Variants in ABCB5 observed in about 807,000 individuals in gnomAD.
ABCB5 encodes the protein ATP binding cassette subfamily B member 5, also known as ATP-binding cassette sub-family B member 5.
In ABCB5, 155 loss-of-function variants were observed where a neutral mutation model predicts 144.2. The observed-to-expected ratio is 1.08, with a 90% CI of 0.94 to 1.23. The LOEUF is 1.23. Among genes scored for constraint, ABCB5 ranks in the 50% most tolerant of loss-of-function variants. The pLI is 0.00. For synonymous variants in ABCB5, 610 were observed against 528.6 expected (o/e 1.15, Z -2.11); for missense variants, 1,830 against 1,520.8 (o/e 1.20, Z -3.38).
chr7:20,667,265 G>T (rs1785231331), intron 14 of ABCB5: 3 of 983,328 alleles, frequency 3.1e-6, no homozygotes, highest in Non-Finnish European at 3.6e-6. Flanking sequence ...GCAAAGTAAA[G>T]ATGACACAGA....
chr7:20,644,076 G>A (rs193192867), intron 7 of ABCB5, among the ~76,000 whole-genome samples: 17 of 149,660 alleles, frequency 1.1e-4, no homozygotes, highest in Non-Finnish European at 1.9e-4. Context: ...TAAAGTTTAT[G>A]TATATATGTA....
rs1783093808 is a variant in ABCB5 at position 20,756,546 on chromosome 7, G to A, written c.*922G>A. 1 of 152,172 alleles carries A rather than the reference G, an allele frequency of 6.6e-6. No individual in the cohort carries two copies. Among genetic ancestry groups the A allele is most frequent in the African/African-American group, 2.4e-5 (1 of 41,398 alleles). The allele number at this position is 152,172 out of a possible 1,614,324, so 9.4% of individuals were successfully genotyped here. A position where few individuals can be genotyped will look rare whatever the true frequency, so the allele number is the denominator to read the frequency against. ...GAATCCCAGCTACTTGGGAGGCTGA[G>A]GCAGGAGAATCATTTGAACCTAGGA... On this transcript the variant is annotated 3_prime_UTR_variant, in exon 28 of 28. Coordinates refer to ENST00000404938, the MANE Select transcript of ABCB5 (RefSeq NM_001163941.2).
intron 13 of ABCB5, among the ~76,000 whole-genome samples, chr7:20,656,775 A>T (rs1784806429): frequency 6.6e-6 from 1 of 152,188 alleles, no homozygotes. Context: ...AAATGAAAAC[A>T]TGACCACAAA....
rs541472820 is a variant in ABCB5, at chr7:20,710,502, TA to T, written c.2421+5702del. Among the ~76,000 whole-genome samples the T allele has an allele frequency of 1.0e-3, 151 of 148,710 alleles. 9 individuals are homozygous for T. The highest frequency in any genetic ancestry group is 3.3e-3 in the African/African-American group (134 of 40,164). On this transcript the variant is annotated intron_variant, in intron 20 of 27. Coordinates refer to ENST00000404938, the MANE Select transcript of ABCB5 (RefSeq NM_001163941.2). Reference sequence around the variant, plus strand: ...CTTCTCTTGATTTTTTCCTAACCATTAAAAAAATATAAAAAACATTCTTATC... The same window carrying T: ...CTTCTCTTGATTTTTTCCTAACCATTAAAAAATATAAAAAACATTCTTATC...
chr7:20,707,337 G>C (rs553638405), intron 20 of ABCB5, among the ~76,000 whole-genome samples: 50 of 152,246 alleles, frequency 3.3e-4, no homozygotes, highest in African/African-American at 1.2e-3. Flanking sequence ...TAGTGAAATA[G>C]AGTCATAGGA....
At chr7:20,685,909 A>AT (rs1785979076) in intron 16 of ABCB5, 73 bp downstream of exon 16, 2 of 1,396,918 alleles carry the variant, frequency 1.4e-6, no homozygotes, top group Non-Finnish European at 1.9e-6. Flanking sequence ...AAAATTTAAA[A>AT]TTTATTTATA....
intron 21 of ABCB5, 46 bp from the exon 22 acceptor site, chr7:20,726,994 A>T (rs915905385): frequency 1.5e-6 from 2 of 1,379,156 alleles, no homozygotes; most frequent in Non-Finnish European, 2.0e-6. Flanking sequence ...GAAAAGATTA[A>T]CCATTACTAA....
At chr7:20,731,355 GA>G (rs869149519) in intron 23 of ABCB5, among the ~76,000 whole-genome samples, 88 of 127,832 alleles carry the variant, frequency 6.9e-4, no homozygotes, top group Admixed American at 2.7e-3. Flanking sequence ...TCCAACTCAG[GA>G]AAAAAAAAAA....
chr7:20,743,112 GCAGT>G, intron 25 of ABCB5, 38 bp downstream of exon 25: 1 of 1,600,480 alleles, frequency 6.2e-7, no homozygotes, highest in East Asian at 2.2e-5. Context: ...CTGGGGGTTA[GCAGT>G]CCTATTCTTA....
chr7:20,650,151 AGT>A lies in ABCB5; in HGVS notation c.1332+6_1332+7del, dbSNP rs760750361. ...ATATGATCCGGATGATGGCTTTGTA[AGT>A]GCAGCTAGCAAAACCATGCACAGTC... On this transcript the variant is annotated splice_donor_5th_base_variant and intron_variant, in intron 12 of 27. Coordinates refer to ENST00000404938, the MANE Select transcript of ABCB5 (RefSeq NM_001163941.2). 6 of 1,613,222 alleles carry A rather than the reference AGT, an allele frequency of 3.7e-6. No homozygotes were observed.
chr7:20,726,951 T>G, intron 21 of ABCB5, 89 bp from the exon 22 acceptor site: 6 of 776,410 alleles, frequency 7.7e-6, no homozygotes, highest in African/African-American at 1.8e-5. Context: ...ACTTAATATG[T>G]CCCCAGTGTG....
chr7:20,753,813 CTT>C (rs765024932), intron 27 of ABCB5, among the ~76,000 whole-genome samples: 4 of 152,140 alleles, frequency 2.6e-5, no homozygotes, highest in Admixed American at 6.5e-5. Context: ...AGAAAAATAA[CTT>C]TTCAATTTTA....
At chr7:20,687,923 G>T (rs922021115) in intron 16 of ABCB5, among the ~76,000 whole-genome samples, 1 of 152,000 alleles carries the variant, frequency 6.6e-6, no homozygotes, top group Non-Finnish European at 1.5e-5. Context: ...CCAGGTGAGT[G>T]GTTCACGCCT....
chr7:20,718,358 T>C (rs975300646), intron 20 of ABCB5, among the ~76,000 whole-genome samples: 1 of 152,268 alleles, frequency 6.6e-6, no homozygotes, highest in South Asian at 2.1e-4. Flanking sequence ...CAGCATTATA[T>C]GCCAAATGGC....
At chr7:20,627,254 A>T (rs1783929875) in intron 3 of ABCB5, among the ~76,000 whole-genome samples, 1 of 152,192 alleles carries the variant, frequency 6.6e-6, no homozygotes, top group Non-Finnish European at 1.5e-5. Flanking sequence ...ATTTAAAAAA[A>T]ACTGAATAGT....
intron 20 of ABCB5, among the ~76,000 whole-genome samples, chr7:20,716,772 C>G (rs1250285431): frequency 6.6e-6 from 1 of 152,096 alleles, no homozygotes; most frequent in Non-Finnish European, 1.5e-5. Context: ...TTGTCATTTC[C>G]CTAGAAGAGA....
At chr7:20,622,103 A>T (rs1027185876) in intron 1 of ABCB5, among the ~76,000 whole-genome samples, 3 of 152,156 alleles carry the variant, frequency 2.0e-5, no homozygotes, top group African/African-American at 7.2e-5. Context: ...AGTGCAGCTC[A>T]TTATTTATTG....
intron 5 of ABCB5, among the ~76,000 whole-genome samples, chr7:20,633,688 C>A (rs1377159930): frequency 1.3e-5 from 2 of 152,120 alleles, no homozygotes; most frequent in Non-Finnish European, 2.9e-5. Flanking sequence ...TCATAGTTAA[C>A]TATAGCACTA....
chr7:20,636,583 A>G (rs1784160352), intron 5 of ABCB5, among the ~76,000 whole-genome samples: 1 of 151,972 alleles, frequency 6.6e-6, no homozygotes. Flanking sequence ...TCAGGAATTC[A>G]AGACCATCCT....
Sources: gnomAD v4.1 joint callset for allele counts (sites outside exome capture counted in the v4.1 genomes callset) on GRCh38, gnomAD v4.1.1 for gene constraint, MANE v1.5 for transcripts, NCBI Gene and HGNC (gene_info 2026-07-23, HGNC 2026-07-21) for gene names.